The following OPN5 variants were observed in gnomAD, a reference collection of about 807,000 sequenced individuals.
The protein encoded by OPN5 is opsin 5, also known as opsin-5.
In OPN5, 18 loss-of-function variants were observed where a neutral mutation model predicts 41.7. The ratio of observed to expected loss-of-function variants is 0.43; its 90% CI spans 0.30 to 0.64. The LOEUF is 0.64. Ranked by LOEUF, OPN5 falls within the 30% of genes least tolerant of loss-of-function variation. The pLI is 0.13. For missense variants in OPN5, 318 were observed against 434.5 expected, an observed-to-expected ratio of 0.73 and a Z score of 2.38; for synonymous variants, 178 against 164.3, an observed-to-expected ratio of 1.08 and a Z score of -0.64.
chr6:47,813,146 A>C (rs143033451), intron 6 of OPN5, among the ~76,000 whole-genome samples: 1 of 152,194 alleles, frequency 6.6e-6, no homozygotes, highest in Non-Finnish European at 1.5e-5. Flanking sequence ...TTATGCCTGC[A>C]TATCAAAGTC....
rs533306952 is a variant in OPN5 at position 47,808,813 on chromosome 6, G to A, written c.998+418G>A. Among the ~76,000 whole-genome samples, 38 of 152,234 alleles carry A rather than the reference G, an allele frequency of 2.5e-4. 1 individual carries two copies. The highest frequency in any genetic ancestry group is 4.6e-4 in the Admixed American group (7 of 15,286). The stretch of plus-strand genomic sequence containing the variant: ...CTAGCTAAGGGCATAAAAGTTGGGC[G>A]GGCAGAGGAAGGAAGGGGAGAAGGG... On this transcript the variant is annotated intron_variant, in intron 5 of 6. Coordinates refer to ENST00000371211, the Ensembl canonical transcript of OPN5.
intron 4 of OPN5, among the ~76,000 whole-genome samples, chr6:47,803,526 A>G (rs989102581): frequency 6.6e-6 from 1 of 152,184 alleles, no homozygotes; most frequent in Non-Finnish European, 1.5e-5. Flanking sequence ...TCTCCTGGGA[A>G]CATTTTCTCA....
intron 1 of OPN5, 86 bp downstream of exon 1, chr6:47,782,282 C>T: frequency 7.5e-7 from 1 of 1,341,074 alleles, no homozygotes; most frequent in Non-Finnish European, 1.0e-6. Flanking sequence ...GATTCTGATA[C>T]TTAAGTGGAT....
chr6:47,794,000 A>G (rs560660170), intron 3 of OPN5, among the ~76,000 whole-genome samples: 2 of 152,152 alleles, frequency 1.3e-5, no homozygotes, highest in African/African-American at 4.8e-5. Flanking sequence ...AATGGAGACA[A>G]TAGAGTATAG....
At chr6:47,794,501 G>T (rs963071951) in intron 3 of OPN5, among the ~76,000 whole-genome samples, 3 of 152,080 alleles carry the variant, frequency 2.0e-5, no homozygotes, top group African/African-American at 7.2e-5. Context: ...TATTTCCTCC[G>T]CTTGGAATTC....
intron 5 of OPN5, among the ~76,000 whole-genome samples, chr6:47,810,678 C>T (rs1774156049): frequency 6.6e-6 from 1 of 152,116 alleles, no homozygotes; most frequent in South Asian, 2.1e-4. Context: ...GTAATTTTAA[C>T]AGTCTATTAC....
chr6:47,789,978 C>T (rs1773316941), intron 2 of OPN5, among the ~76,000 whole-genome samples: 1 of 149,454 alleles, frequency 6.7e-6, no homozygotes. Flanking sequence ...TAGAAGAATG[C>T]TTTCTAGAAA....
At chr6:47,808,942 G>T (rs997212864) in intron 5 of OPN5, among the ~76,000 whole-genome samples, 1 of 152,174 alleles carries the variant, frequency 6.6e-6, no homozygotes, top group Non-Finnish European at 1.5e-5. Flanking sequence ...TTCAAGTAAG[G>T]TTAAAGTTAA....
At chr6:47,784,316 A>G (rs936908508) in intron 1 of OPN5, among the ~76,000 whole-genome samples, 7 of 145,028 alleles carry the variant, frequency 4.8e-5, no homozygotes, top group African/African-American at 1.8e-4. Context: ...TTTTTTTTGG[A>G]CATAGAGTCT....
chr6:47,819,399 T>G (rs555790944), intron 6 of OPN5, among the ~76,000 whole-genome samples: 1 of 128,648 alleles, frequency 7.8e-6, no homozygotes, highest in African/African-American at 2.8e-5. Context: ...TATATATATA[T>G]AAAACAGTAT....
exon 7 of OPN5, chr6:47,824,040 T>C: frequency 6.8e-7 from 1 of 1,463,826 alleles, no homozygotes; most frequent in African/African-American, 1.4e-5. Flanking sequence ...ACACGGCGTC[T>C]GGCATATGCA....
At chr6:47,801,060 G>C (rs1182953633) in intron 4 of OPN5, among the ~76,000 whole-genome samples, 2 of 152,086 alleles carry the variant, frequency 1.3e-5, no homozygotes, top group Non-Finnish European at 2.9e-5. Context: ...AAGTCCACCT[G>C]CTATGTATGA....
chr6:47,803,634 C>T (rs977531738), intron 4 of OPN5, among the ~76,000 whole-genome samples: 1 of 152,134 alleles, frequency 6.6e-6, no homozygotes, highest in African/African-American at 2.4e-5. Flanking sequence ...ATCTCTTTGG[C>T]CCTCTTTTTC....
At chr6:47,807,103 A>G (rs1311539160) in intron 4 of OPN5, among the ~76,000 whole-genome samples, 1 of 152,148 alleles carries the variant, frequency 6.6e-6, no homozygotes, top group Admixed American at 6.5e-5. Flanking sequence ...GTTGCAGTGA[A>G]CCAAGATTGC....
chr6:47,808,425 C>T (rs754845299), intron 5 of OPN5, 30 bp downstream of exon 5: 11 of 1,612,040 alleles, frequency 6.8e-6, no homozygotes, highest in Non-Finnish European at 9.3e-6. Flanking sequence ...AAATGAATTA[C>T]ACTCTCTTTG....
chr6:47,786,600 T>C lies in OPN5; in HGVS notation c.216T>C (p.Thr72=), dbSNP rs569605227. ...AGCTGAGACCCGCTGAAATAATGAC[T>C]ATCAATTTAGCAGTCTGTGATCTGG... Residue 72 remains threonine (T), a synonymous_variant, in exon 2 of 7, where the codon ACT becomes ACC. Coordinates refer to ENST00000371211, the Ensembl canonical transcript of OPN5. 21 of 1,612,886 alleles carry C rather than the reference T, an allele frequency of 1.3e-5. No homozygotes were observed. In the South Asian group the frequency reaches 2.2e-4, roughly 17 times the overall value.
At chr6:47,810,212 A>C (rs1774136709) in intron 5 of OPN5, among the ~76,000 whole-genome samples, 1 of 152,198 alleles carries the variant, frequency 6.6e-6, no homozygotes, top group South Asian at 2.1e-4. Flanking sequence ...CTTTCGGGGA[A>C]AAAGCAGGCG....
intron 1 of OPN5, among the ~76,000 whole-genome samples, chr6:47,783,699 G>A (rs1172851065): frequency 6.6e-6 from 1 of 152,134 alleles, no homozygotes; most frequent in African/African-American, 2.4e-5. Flanking sequence ...AAGTTGCTGG[G>A]AATAGAGCAG....
chr6:47,824,103 T>A, exon 7 of OPN5: 1 of 806,350 alleles, frequency 1.2e-6, no homozygotes, highest in Non-Finnish European at 2.1e-6. Context: ...CCACTCCACT[T>A]ACCCTGTCAG....
Sources: gnomAD v4.1 joint callset for allele counts (sites outside exome capture counted in the v4.1 genomes callset) on GRCh38, gnomAD v4.1.1 for gene constraint, MANE v1.5 for transcripts, NCBI Gene and HGNC (gene_info 2026-07-23, HGNC 2026-07-21) for gene names.